The following UNC5D variants were observed in gnomAD, a reference collection of about 807,000 sequenced individuals.
UNC5D encodes unc-5 netrin receptor D.
UNC5D carries 39 observed loss-of-function variants against 105.4 expected under a neutral mutation model. That is an observed-to-expected ratio of 0.37 (90% CI 0.29 to 0.48). The LOEUF (loss-of-function observed/expected upper bound fraction) is 0.48. Ranked by LOEUF, UNC5D falls within the 20% of genes least tolerant of loss-of-function variation. The pLI is 0.98. For missense variants in UNC5D, 991 were observed against 1,202.4 expected (o/e 0.82, Z 2.60); for synonymous variants, 452 against 450.4 (o/e 1.00, Z -0.04).
intron 1 of UNC5D, among the ~76,000 whole-genome samples, chr8:35,488,188 G>T (rs1007501526): frequency 3.9e-5 from 6 of 152,192 alleles, no homozygotes; most frequent in African/African-American, 1.2e-4. Flanking sequence ...GAGATTGTGG[G>T]TGTAACCCAT....
intron 1 of UNC5D, among the ~76,000 whole-genome samples, chr8:35,539,024 T>A (rs926292245): frequency 6.6e-6 from 1 of 152,118 alleles, no homozygotes; most frequent in South Asian, 2.1e-4. Flanking sequence ...AAAATTTTGA[T>A]ATAACTAAAT....
intron 14 of UNC5D, among the ~76,000 whole-genome samples, chr8:35,759,701 T>C (rs952616731): frequency 6.6e-6 from 1 of 152,224 alleles, no homozygotes; most frequent in East Asian, 1.9e-4. Flanking sequence ...TTAGGTGAGA[T>C]GGCATTTCTC....
intron 1 of UNC5D, among the ~76,000 whole-genome samples, chr8:35,304,584 G>A (rs543047226): frequency 2.0e-5 from 3 of 152,126 alleles, no homozygotes; most frequent in East Asian, 1.9e-4. Context: ...GTGTGTATGC[G>A]TGCATGTGTG....
At chr8:35,275,472 G>T (rs1418177539) in intron 1 of UNC5D, among the ~76,000 whole-genome samples, 1 of 152,006 alleles carries the variant, frequency 6.6e-6, no homozygotes, top group Non-Finnish European at 1.5e-5. Flanking sequence ...ACATGACCTG[G>T]TTTTCTTTTC....
chr8:35,291,818 T>C (rs1401569219), intron 1 of UNC5D, among the ~76,000 whole-genome samples: 1 of 152,238 alleles, frequency 6.6e-6, no homozygotes, highest in African/African-American at 2.4e-5. Context: ...TTTGTAAAGA[T>C]AAGTTTCAGT....
intron 2 of UNC5D, among the ~76,000 whole-genome samples, chr8:35,552,194 T>C (rs1816207816): frequency 6.6e-6 from 1 of 152,188 alleles, no homozygotes; most frequent in African/African-American, 2.4e-5. Context: ...ATGTAAGAAC[T>C]GGGAGAGAGA....
intron 1 of UNC5D, among the ~76,000 whole-genome samples, chr8:35,425,655 C>T (rs1260353008): frequency 2.6e-5 from 4 of 152,116 alleles, no homozygotes; most frequent in Non-Finnish European, 5.9e-5. Flanking sequence ...CCCTCAGAAC[C>T]AATTGTCTTT....
chr8:35,238,304 A>G (rs1374068957), intron 1 of UNC5D, among the ~76,000 whole-genome samples: 1 of 152,098 alleles, frequency 6.6e-6, no homozygotes, highest in Non-Finnish European at 1.5e-5. Flanking sequence ...GGAGATTTCA[A>G]ATTGGTTTTG....
At chr8:35,248,937 A>C (rs1563248506) in intron 1 of UNC5D, among the ~76,000 whole-genome samples, 1 of 94,826 alleles carries the variant, frequency 1.1e-5, no homozygotes, top group East Asian at 2.9e-4. Flanking sequence ...ATAAATATAT[A>C]ATATATTATA....
chr8:35,524,639 G>GAAAAAAAA (rs1813719133), intron 1 of UNC5D, among the ~76,000 whole-genome samples: 1 of 63,864 alleles, frequency 1.6e-5, no homozygotes, highest in African/African-American at 6.0e-5. Flanking sequence ...CATGCCCTGT[G>GAAAAAAAA]CAAAAAAAAA....
intron 1 of UNC5D, among the ~76,000 whole-genome samples, chr8:35,366,798 G>A (rs915143028): frequency 2.6e-5 from 4 of 151,936 alleles, no homozygotes; most frequent in African/African-American, 9.7e-5. Context: ...GGGTTATTGT[G>A]GCATGATTAT....
At chr8:35,358,216 T>C (rs1461649826) in intron 1 of UNC5D, among the ~76,000 whole-genome samples, 1 of 152,182 alleles carries the variant, frequency 6.6e-6, no homozygotes, top group Non-Finnish European at 1.5e-5. Context: ...ATTGCAGCAC[T>C]GTTCACAATA....
At chr8:35,390,639 A>G (rs1484195014) in intron 1 of UNC5D, among the ~76,000 whole-genome samples, 3 of 152,164 alleles carry the variant, frequency 2.0e-5, no homozygotes, top group Non-Finnish European at 4.4e-5. Flanking sequence ...TACTTTTCTT[A>G]TTTGTTGGTA....
intron 1 of UNC5D, among the ~76,000 whole-genome samples, chr8:35,309,778 C>G (rs748551623): frequency 2.0e-5 from 3 of 152,102 alleles, no homozygotes; most frequent in Non-Finnish European, 4.4e-5. Flanking sequence ...AATGCAGATT[C>G]CAAGGTTCTA....
intron 4 of UNC5D, among the ~76,000 whole-genome samples, chr8:35,599,802 T>C (rs1819727571): frequency 1.3e-5 from 2 of 152,200 alleles, no homozygotes; most frequent in Admixed American, 6.5e-5. Context: ...ATATATTTTC[T>C]TTTTTTATTA....
intron 1 of UNC5D, among the ~76,000 whole-genome samples, chr8:35,508,780 C>T (rs1178093641): frequency 1.3e-5 from 2 of 152,110 alleles, no homozygotes; most frequent in African/African-American, 2.4e-5. Context: ...GTGATAAGCT[C>T]GGCAGAGCTG....
At chr8:35,537,114 G>C (rs1267282148) in intron 1 of UNC5D, among the ~76,000 whole-genome samples, 1 of 151,998 alleles carries the variant, frequency 6.6e-6, no homozygotes, top group Non-Finnish European at 1.5e-5. Flanking sequence ...AGATATTATA[G>C]AGCCACATTC....
chr8:35,427,326 A>G (rs898893683), intron 1 of UNC5D, among the ~76,000 whole-genome samples: 2 of 152,216 alleles, frequency 1.3e-5, no homozygotes, highest in African/African-American at 4.8e-5. Flanking sequence ...TGCATAGACA[A>G]TTGAGTGCTG....
intron 4 of UNC5D, among the ~76,000 whole-genome samples, chr8:35,611,572 G>A (rs1820683855): frequency 6.6e-6 from 1 of 152,138 alleles, no homozygotes; most frequent in Non-Finnish European, 1.5e-5. Context: ...TTTACAAAAT[G>A]GGTCACACAC....
Sources: gnomAD v4.1 joint callset for allele counts (sites outside exome capture counted in the v4.1 genomes callset) on GRCh38, gnomAD v4.1.1 for gene constraint, MANE v1.5 for transcripts, NCBI Gene and HGNC (gene_info 2026-07-23, HGNC 2026-07-21) for gene names.